Variants in GPR27 observed in about 807,000 individuals in gnomAD.
The protein encoded by GPR27 is G protein-coupled receptor 27, also known as probable G protein-coupled receptor 27.
In GPR27, 3 loss-of-function variants were observed where a neutral mutation model predicts 2.4. The ratio of observed to expected loss-of-function variants is 1.23; its 90% CI spans 0.56 to 3.18. The LOEUF is 3.18. GPR27 is among the 30% of genes most tolerant of loss of function. The probability of loss-of-function intolerance (pLI) is 0.03; values close to 1 mark genes in which losing one functional copy is unlikely to be tolerated. For synonymous variants in GPR27, 367 were observed against 296.4 expected, an observed-to-expected ratio of 1.24 and a Z score of -2.45; for missense variants, 526 against 566.1, an observed-to-expected ratio of 0.93 and a Z score of 0.72.
In GPR27 at chr3:71,754,303, C is replaced by T; in HGVS notation, c.254C>T (p.Ala85Val). The T allele has an allele frequency of 8.7e-7, 1 of 1,152,580 alleles. No individual in the cohort carries two copies. Among genetic ancestry groups the T allele is most frequent in the Non-Finnish European group, 1.1e-6 (1 of 939,262 alleles). 71.4% of individuals were successfully genotyped at this position (1,152,580 alleles called of 1,614,324 possible). ...VMLAARRAAA[A>V]AGAPPGALGC... ...CTGGCGGCGCGGCGTGCGGCGGCCG[C>T]GGCGGGGGCGCCGCCGGGCGCGCTG... The change falls in exon 1 of 1, where the codon GCG (alanine) becomes GTG (valine). Residue 85 changes from alanine (A) to valine (V), a missense_variant. Ala to Val is a moderately conservative substitution (Grantham distance 64, BLOSUM62 0). Around this residue, in one of 3 missense-constraint regions of GPR27, gnomAD observed 312 missense variants for 318.4 expected, o/e 0.98. Transcript: ENST00000304411. The surrounding 1 kb of genome is among the most constrained non-coding windows in gnomAD (Gnocchi z 5.8).
rs1215331535 is a variant in GPR27, at chr3:71,755,348, G to A, written c.*171G>A. ...CTCCTTTGGGGGTGGGGTGGGTGAG[G>A]AGTAGGATGCTCAGCCCACTCCAGC... On this transcript the variant is annotated 3_prime_UTR_variant, in exon 1 of 1. Coordinates refer to ENST00000304411, the MANE Select transcript of GPR27 (RefSeq NM_018971.3). 1.1e-5 allele frequency: 7 copies of A among 625,752 alleles called. No homozygotes were observed. The highest frequency in any genetic ancestry group is 5.9e-5 in the Admixed American group (2 of 33,876). The allele number at this position is 625,752 out of a possible 1,614,324, so 38.8% of individuals were successfully genotyped here. A position where few individuals can be genotyped will look rare whatever the true frequency, so the allele number is the denominator to read the frequency against.
rs2049991886 is a variant in GPR27 at position 71,755,330 on chromosome 3, G to C, written c.*153G>C. On this transcript the variant is annotated 3_prime_UTR_variant, in exon 1 of 1. Transcript: ENST00000304411. ...ACACTTGGATTGTACTGACTCCTTT[G>C]GGGGTGGGGTGGGTGAGGAGTAGGA... 1 of 680,492 alleles carries C rather than the reference G, an allele frequency of 1.5e-6. No individual in the cohort carries two copies. The highest frequency in any genetic ancestry group is 2.0e-5 in the South Asian group (1 of 51,262). The allele number at this position is 680,492 out of a possible 1,614,324, so 42.2% of individuals were successfully genotyped here.
Position 71,754,715 on chromosome 3 carries a change from C to G in GPR27, c.666C>G (p.Ala222=), listed in dbSNP as rs1268595424. Residue 222 remains alanine, a synonymous_variant, in exon 1 of 1, where the codon GCC becomes GCG. Transcript: ENST00000304411. The surrounding 1 kb of genome is among the most constrained non-coding windows in gnomAD (Gnocchi z 5.8). ...RKMRPARLVP[A]VSHDWTFHGP... is the part of the protein sequence containing the mutation. ...TGCGGCCCGCGCGCCTGGTGCCCGC[C>G]GTCAGCCACGACTGGACCTTCCACG... 16 of 1,480,448 alleles carry G rather than the reference C, an allele frequency of 1.1e-5. No homozygotes were observed. The highest frequency in any genetic ancestry group is 1.4e-5 in the Non-Finnish European group (16 of 1,119,728). 91.7% of individuals were successfully genotyped at this position (1,480,448 alleles called of 1,614,324 possible). A position where few individuals can be genotyped will look rare whatever the true frequency, so the allele number is the denominator to read the frequency against.
chr3:71,756,152 A>C lies in GPR27; in HGVS notation c.*975A>C, dbSNP rs1318866765. On this transcript the variant is annotated 3_prime_UTR_variant, in exon 1 of 1. Transcript: ENST00000304411. Reference sequence around the variant, plus strand: ...GCCCAGTTTTATTCTGTCTTATGAAACTAATTTCCACTTTGAAAATTGTTC... The same window carrying C: ...GCCCAGTTTTATTCTGTCTTATGAACCTAATTTCCACTTTGAAAATTGTTC... 6.6e-6 allele frequency: 1 copy of C among 152,210 alleles called. No homozygotes were observed. Among genetic ancestry groups the C allele is most frequent in the Non-Finnish European group, 1.5e-5 (1 of 68,040 alleles). 9.4% of individuals were successfully genotyped at this position (152,210 alleles called of 1,614,324 possible). A position where few individuals can be genotyped will look rare whatever the true frequency, so the allele number is the denominator to read the frequency against.
In GPR27 at chr3:71,755,293, C is replaced by G; in HGVS notation, c.*116C>G. 1.2e-6 allele frequency: 1 copy of G among 868,406 alleles called. No homozygotes were observed. Among genetic ancestry groups the G allele is most frequent in the Non-Finnish European group, 1.7e-6 (1 of 575,024 alleles). The allele number at this position is 868,406 out of a possible 1,614,324, so 53.8% of individuals were successfully genotyped here. On this transcript the variant is annotated 3_prime_UTR_variant, in exon 1 of 1. Coordinates refer to ENST00000304411, the MANE Select transcript of GPR27 (RefSeq NM_018971.3). ...TTTCTAAGCTGCCTTCAAAATGACTCGAAGTGGACAGACACTTGGATTGTA... is the reference window on the plus strand; with the variant it reads ...TTTCTAAGCTGCCTTCAAAATGACTGGAAGTGGACAGACACTTGGATTGTA...
chr3:71,754,912 C>A lies in GPR27; in HGVS notation c.863C>A (p.Ala288Asp). The change falls in exon 1 of 1, where the codon GCC (alanine) becomes GAC (aspartate). Residue 288 changes from alanine (A) to aspartate (D), a missense_variant. By Grantham distance (126) the Ala-to-Asp change is moderately radical. Transcript: ENST00000304411. This position sits in a 1 kb window ranked among gnomAD's most constrained non-coding sequence, Gnocchi z 5.8. ...AAGAGGCTGTGCAAGATGTTCTACGCCGTCACGCTGCTCTTCCTGCTCCTC... is the reference window on the plus strand; with the variant it reads ...AAGAGGCTGTGCAAGATGTTCTACGACGTCACGCTGCTCTTCCTGCTCCTC... Reference protein sequence around the residue: ...TEKRLCKMFYAVTLLFLLLWG... With the variant: ...TEKRLCKMFYDVTLLFLLLWG... The A allele has an allele frequency of 6.2e-7, 1 of 1,613,534 alleles. No individual in the cohort carries two copies. Among genetic ancestry groups the A allele is most frequent in the Non-Finnish European group, 8.5e-7 (1 of 1,179,792 alleles).
In GPR27 at chr3:71,755,120, G is replaced by C; in HGVS notation, c.1071G>C (p.Gln357His). 6.2e-7 allele frequency: 1 copy of C among 1,609,704 alleles called. No individual in the cohort carries two copies. The highest frequency in any genetic ancestry group is 1.6e-4 in the Middle Eastern group (1 of 6,062). ...DCFRAQFPCC[Q>H]SPRTTQATHP... Reference sequence around the variant, plus strand: ...TCAGGGCCCAGTTCCCCTGCTGCCAGAGCCCCCGGACCACCCAGGCGACCC... The same window carrying C: ...TCAGGGCCCAGTTCCCCTGCTGCCACAGCCCCCGGACCACCCAGGCGACCC... Residue 357 changes from glutamine to histidine, a missense_variant, in exon 1 of 1, where the codon CAG (glutamine) becomes CAC (histidine). By Grantham distance (24) the Gln-to-His change is conservative. This residue lies in a region of GPR27 where 116 missense variants were observed against 100.9 expected (regional missense o/e 1.15). Transcript: ENST00000304411.
chr3:71,755,184 C>T lies in GPR27; in HGVS notation c.*7C>T. The T allele has an allele frequency of 2.5e-6, 4 of 1,582,364 alleles. No homozygotes were observed. In the East Asian group the frequency reaches 9.1e-5, roughly 36 times the overall value. ...GAAAGGCATTGGTTTATGAGGGAGG[C>T]CCCGCCACATAGACCCCCAACCCAG... On this transcript the variant is annotated 3_prime_UTR_variant, in exon 1 of 1. Transcript: ENST00000304411.
rs2049974162 is a variant in GPR27 at position 71,754,200 on chromosome 3, C to A, written c.151C>A (p.Arg51Ser). The change falls in exon 1 of 1, where the codon CGC becomes AGC. Residue 51 changes from arginine to serine, a missense_variant. Coordinates refer to ENST00000304411, the MANE Select transcript of GPR27 (RefSeq NM_018971.3). The surrounding 1 kb of genome is among the most constrained non-coding windows in gnomAD (Gnocchi z 5.8). ...LLIVRERSLH[R>S]APYYLLLDLC... ...GATCGTGCGGGAGCGCAGCCTGCAC[C>A]GCGCCCCGTACTACCTGCTGCTCGA... 1.4e-6 allele frequency: 2 copies of A among 1,413,852 alleles called. No homozygotes were observed. The highest frequency in any genetic ancestry group is 3.2e-5 in the East Asian group (1 of 31,406). The allele number at this position is 1,413,852 out of a possible 1,614,324, so 87.6% of individuals were successfully genotyped here.
Position 71,754,463 on chromosome 3 carries a change from G to C in GPR27, c.414G>C (p.Pro138=). The change falls in exon 1 of 1, where the codon CCG becomes CCC. Residue 138 remains proline (P), a synonymous_variant. Coordinates refer to ENST00000304411, the MANE Select transcript of GPR27 (RefSeq NM_018971.3). The surrounding 1 kb of genome is among the most constrained non-coding windows in gnomAD (Gnocchi z 5.8). The part of the protein sequence containing the change: ...RFYAERLAGW[P]CAAMLVCAAW... ...ATGCAGAGCGCCTGGCCGGCTGGCC[G>C]TGCGCCGCCATGCTGGTGTGCGCCG... 1 of 1,332,886 alleles carries C rather than the reference G, an allele frequency of 7.5e-7. No individual in the cohort carries two copies. The allele number at this position is 1,332,886 out of a possible 1,614,324, so 82.6% of individuals were successfully genotyped here.
chr3:71,754,484 C>T lies in GPR27; in HGVS notation c.435C>T (p.Cys145=), dbSNP rs1192059936. The T allele has an allele frequency of 3.0e-5, 39 of 1,303,212 alleles. No homozygotes were observed. The highest frequency in any genetic ancestry group is 3.4e-5 in the Non-Finnish European group (35 of 1,024,780). 80.7% of individuals were successfully genotyped at this position (1,303,212 alleles called of 1,614,324 possible). ...GGCCGTGCGCCGCCATGCTGGTGTG[C>T]GCCGCCTGGGCGCTGGCGCTGGCCG... ...AGWPCAAMLV[C]AAWALALAAA... The change falls in exon 1 of 1, where the codon TGC becomes TGT. Residue 145 remains cysteine (C), a synonymous_variant. Transcript: ENST00000304411. The surrounding 1 kb of genome is among the most constrained non-coding windows in gnomAD (Gnocchi z 5.8).
rs779604422 is a variant in GPR27, at chr3:71,754,299, G to T, written c.250G>T (p.Ala84Ser). 7.6e-5 allele frequency: 88 copies of T among 1,150,468 alleles called. 1 individual carries two copies. Among genetic ancestry groups the T allele is most frequent in the Admixed American group, 9.6e-5 (2 of 20,794 alleles). 71.3% of individuals were successfully genotyped at this position (1,150,468 alleles called of 1,614,324 possible). Residue 84 changes from alanine to serine, a missense_variant, in exon 1 of 1, where the codon GCC (alanine) becomes TCC (serine). By Grantham distance (99) the Ala-to-Ser change is moderately conservative (BLOSUM62 1). This residue lies in a region of GPR27 where 312 missense variants were observed against 318.4 expected (regional missense o/e 0.98). Transcript: ENST00000304411. The surrounding 1 kb of genome is among the most constrained non-coding windows in gnomAD (Gnocchi z 5.8). Reference protein sequence around the residue: ...AVMLAARRAAAAAGAPPGALG... With the variant: ...AVMLAARRAASAAGAPPGALG... ...CATGCTGGCGGCGCGGCGTGCGGCGGCCGCGGCGGGGGCGCCGCCGGGCGC... is the reference window on the plus strand; with the variant it reads ...CATGCTGGCGGCGCGGCGTGCGGCGTCCGCGGCGGGGGCGCCGCCGGGCGC...
chr3:71,754,077 A>AGCG lies in GPR27; in HGVS notation c.38_40dup (p.Gly13dup), dbSNP rs774572737. 3.6e-5 allele frequency: 48 copies of AGCG among 1,315,946 alleles called. No individual in the cohort carries two copies. The highest frequency in any genetic ancestry group is 1.2e-4 in the Admixed American group (4 of 32,552). 81.5% of individuals were successfully genotyped at this position (1,315,946 alleles called of 1,614,324 possible). ...GGCGAACGCGAGCGAGCCGGGTGGC[A>AGCG]GCGGCGGCGGCGAGGCGGCCGCCCT... On this transcript the variant is annotated inframe_insertion, in exon 1 of 1. Transcript: ENST00000304411. This position sits in a 1 kb window ranked among gnomAD's most constrained non-coding sequence, Gnocchi z 5.8.
At position 71,754,744 on chromosome 3, in the gene GPR27, C is replaced by T. The variant is rs1420347708; in HGVS notation, c.695C>T (p.Pro232Leu). Residue 232 changes from proline (P) to leucine (L), a missense_variant, in exon 1 of 1, where the codon CCG (proline) becomes CTG (leucine). Transcript: ENST00000304411. The surrounding 1 kb of genome is among the most constrained non-coding windows in gnomAD (Gnocchi z 5.8). ...AVSHDWTFHGPGATGQAAANW... is the reference protein window; with the variant it reads ...AVSHDWTFHGLGATGQAAANW... Reference sequence around the variant, plus strand: ...AGCCACGACTGGACCTTCCACGGCCCGGGCGCCACCGGCCAGGCGGCCGCC... The same window carrying T: ...AGCCACGACTGGACCTTCCACGGCCTGGGCGCCACCGGCCAGGCGGCCGCC... 5 of 1,378,570 alleles carry T rather than the reference C, an allele frequency of 3.6e-6. No homozygotes were observed. Among genetic ancestry groups the T allele is most frequent in the Admixed American group, 5.2e-5 (2 of 38,340 alleles). 85.4% of individuals were successfully genotyped at this position (1,378,570 alleles called of 1,614,324 possible). A position where few individuals can be genotyped will look rare whatever the true frequency, so the allele number is the denominator to read the frequency against.
Position 71,754,470 on chromosome 3 carries a change from G to C in GPR27, c.421G>C (p.Ala141Pro). ...AERLAGWPCA[A>P]MLVCAAWALA... ...GCGCCTGGCCGGCTGGCCGTGCGCC[G>C]CCATGCTGGTGTGCGCCGCCTGGGC... The change falls in exon 1 of 1, where the codon GCC (alanine) becomes CCC (proline). Residue 141 changes from alanine (A) to proline (P), a missense_variant. By Grantham distance (27) the Ala-to-Pro change is conservative. Around this residue, in one of 3 missense-constraint regions of GPR27, gnomAD observed 312 missense variants for 318.4 expected, o/e 0.98. Transcript: ENST00000304411. This position sits in a 1 kb window ranked among gnomAD's most constrained non-coding sequence, Gnocchi z 5.8. The C allele has an allele frequency of 7.5e-7, 1 of 1,326,626 alleles. No homozygotes were observed. The highest frequency in any genetic ancestry group is 9.7e-7 in the Non-Finnish European group (1 of 1,033,048). 82.2% of individuals were successfully genotyped at this position (1,326,626 alleles called of 1,614,324 possible).
In GPR27 at chr3:71,755,390, C is replaced by T; in HGVS notation, c.*213C>T. 1 of 561,996 alleles carries T rather than the reference C, an allele frequency of 1.8e-6. No homozygotes were observed. Among genetic ancestry groups the T allele is most frequent in the Admixed American group, 3.2e-5 (1 of 30,988 alleles). 34.8% of individuals were successfully genotyped at this position (561,996 alleles called of 1,614,324 possible). Reference sequence around the variant, plus strand: ...CACTCCAGCTCCGCACATTCGTCCTCCTAACTCGACTTTCTTCCTGACAAT... The same window carrying T: ...CACTCCAGCTCCGCACATTCGTCCTTCTAACTCGACTTTCTTCCTGACAAT... On this transcript the variant is annotated 3_prime_UTR_variant, in exon 1 of 1. Transcript: ENST00000304411.
At position 71,754,084 on chromosome 3, in the gene GPR27, G is replaced by A. The variant is rs750604971; in HGVS notation, c.35G>A (p.Gly12Asp). ...GCGAGCGAGCCGGGTGGCAGCGGCG[G>A]CGGCGAGGCGGCCGCCCTGGGCCTC... ...ANASEPGGSGGGEAAALGLKL... is the reference protein window; with the variant it reads ...ANASEPGGSGDGEAAALGLKL... The change falls in exon 1 of 1, where the codon GGC becomes GAC. Residue 12 changes from glycine (G) to aspartate (D), a missense_variant. Around this residue, in one of 3 missense-constraint regions of GPR27, gnomAD observed 312 missense variants for 318.4 expected, o/e 0.98. Coordinates refer to ENST00000304411, the MANE Select transcript of GPR27 (RefSeq NM_018971.3). This position sits in a 1 kb window ranked among gnomAD's most constrained non-coding sequence, Gnocchi z 5.8. The A allele has an allele frequency of 2.2e-4, 293 of 1,333,414 alleles. 1 individual carries two copies. Among genetic ancestry groups the A allele is most frequent in the Non-Finnish European group, 4.8e-5 (50 of 1,030,952 alleles). The allele number at this position is 1,333,414 out of a possible 1,614,324, so 82.6% of individuals were successfully genotyped here. A position where few individuals can be genotyped will look rare whatever the true frequency, so the allele number is the denominator to read the frequency against.
rs2049994971 is a variant in GPR27 at position 71,755,740 on chromosome 3, T to G, written c.*563T>G. ...AGGGTCCTTGTGCTGCGCTGGTTCTTTGAAAGTCTCAGTGTTGATATTGAA... is the reference window on the plus strand; with the variant it reads ...AGGGTCCTTGTGCTGCGCTGGTTCTGTGAAAGTCTCAGTGTTGATATTGAA... On this transcript the variant is annotated 3_prime_UTR_variant, in exon 1 of 1. Coordinates refer to ENST00000304411, the MANE Select transcript of GPR27 (RefSeq NM_018971.3). The G allele has an allele frequency of 6.6e-6, 1 of 152,372 alleles. No individual in the cohort carries two copies. The highest frequency in any genetic ancestry group is 2.4e-5 in the African/African-American group (1 of 41,440). The allele number at this position is 152,372 out of a possible 1,614,324, so 9.4% of individuals were successfully genotyped here.
Position 71,753,958 on chromosome 3 carries a change from G to T in GPR27, c.-92G>T. 9.7e-7 allele frequency: 1 copy of T among 1,026,082 alleles called. No individual in the cohort carries two copies. The highest frequency in any genetic ancestry group is 4.4e-5 in the South Asian group (1 of 22,492). 63.6% of individuals were successfully genotyped at this position (1,026,082 alleles called of 1,614,324 possible). A position where few individuals can be genotyped will look rare whatever the true frequency, so the allele number is the denominator to read the frequency against. On this transcript the variant is annotated 5_prime_UTR_variant, in exon 1 of 1. Coordinates refer to ENST00000304411, the MANE Select transcript of GPR27 (RefSeq NM_018971.3). ...CAGGACGGGGAGCTCGCCCAGGGCC[G>T]GCGGAGCGGCGGAGCTCGGGCCGGG...
Sources: gnomAD v4.1 joint callset for allele counts on GRCh38, gnomAD v4.1.1 for gene constraint, gnomAD v4.1.1 regional missense constraint, Gnocchi (gnomAD v3.1) non-coding constraint, MANE v1.5 for transcripts, NCBI Gene and HGNC (gene_info 2026-07-23, HGNC 2026-07-21) for gene names.